The following GPC6 variants were observed in gnomAD, a reference collection of about 807,000 sequenced individuals.
The protein encoded by GPC6 is glypican-6.
Under a neutral mutation model 55.2 loss-of-function variants are expected in GPC6, and 14 were observed. The ratio of observed to expected loss-of-function variants is 0.25; its 90% CI spans 0.17 to 0.40. The LOEUF (loss-of-function observed/expected upper bound fraction) is 0.40, where lower values mean the gene tolerates loss of function less well. GPC6 is among the 10% of genes least tolerant of loss of function. GPC6 has a pLI of 1.00. For synonymous variants in GPC6, 278 were observed against 259.6 expected (o/e 1.07, Z -0.68); for missense variants, 641 against 708.5 (o/e 0.90, Z 1.08).
At chr13:94,031,617 A>G (rs572692686) in intron 4 of GPC6, among the ~76,000 whole-genome samples, 1 of 152,344 alleles carries the variant, frequency 6.6e-6, no homozygotes, top group South Asian at 2.1e-4. Flanking sequence ...GTATTGCCGT[A>G]TTTTCATACA....
At chr13:93,845,724 A>G (rs1013833283) in intron 3 of GPC6, among the ~76,000 whole-genome samples, 5 of 149,158 alleles carry the variant, frequency 3.4e-5, no homozygotes, top group South Asian at 2.2e-4. Flanking sequence ...TCAGTAAACT[A>G]TCGCAAGAAC....
chr13:94,259,716 A>G (rs1321797314), intron 4 of GPC6, among the ~76,000 whole-genome samples: 2 of 152,110 alleles, frequency 1.3e-5, no homozygotes, highest in Non-Finnish European at 2.9e-5. Flanking sequence ...ATCTCTATGA[A>G]TCTGCCTATT....
At chr13:94,092,315 C>A (rs1885517347) in intron 4 of GPC6, among the ~76,000 whole-genome samples, 1 of 152,014 alleles carries the variant, frequency 6.6e-6, no homozygotes. Flanking sequence ...CTTGCCCCTG[C>A]CAACCACCAT....
At chr13:93,564,932 G>A (rs577748042) in intron 2 of GPC6, among the ~76,000 whole-genome samples, 4 of 152,052 alleles carry the variant, frequency 2.6e-5, no homozygotes, top group East Asian at 1.9e-4. Flanking sequence ...TTTCTGTGCC[G>A]TTTCAAAATA....
chr13:93,939,358 G>A (rs746759237), intron 3 of GPC6, among the ~76,000 whole-genome samples: 4 of 150,934 alleles, frequency 2.7e-5, no homozygotes, highest in African/African-American at 4.8e-5. Flanking sequence ...GGCGGAGCTT[G>A]CAGTGAGCCG....
intron 1 of GPC6, among the ~76,000 whole-genome samples, chr13:93,257,795 T>G (rs1877005480): frequency 6.6e-6 from 1 of 152,178 alleles, no homozygotes; most frequent in South Asian, 2.1e-4. Flanking sequence ...TCTAGGTGAA[T>G]TATATGATTT....
chr13:93,289,947 G>A (rs779578971), intron 1 of GPC6, among the ~76,000 whole-genome samples: 76 of 152,272 alleles, frequency 5.0e-4, no homozygotes, highest in Non-Finnish European at 9.4e-4. Flanking sequence ...TGGACTCACA[G>A]AGTAAAGAGA....
intron 2 of GPC6, among the ~76,000 whole-genome samples, chr13:93,575,795 AAATC>A (rs1876635517): frequency 6.6e-6 from 1 of 152,178 alleles, no homozygotes; most frequent in African/African-American, 2.4e-5. Context: ...TAAAATTTAA[AAATC>A]AATCAGCTTA....
At chr13:94,364,980 T>C (rs764861334) in intron 6 of GPC6, among the ~76,000 whole-genome samples, 1 of 152,228 alleles carries the variant, frequency 6.6e-6, no homozygotes, top group Non-Finnish European at 1.5e-5. Flanking sequence ...ACTCTGCCGA[T>C]TGTTCATTTA....
At chr13:94,166,473 G>A (rs1026286088) in intron 4 of GPC6, among the ~76,000 whole-genome samples, 2 of 151,922 alleles carry the variant, frequency 1.3e-5, no homozygotes, top group Non-Finnish European at 2.9e-5. Context: ...ATAGGCCTGC[G>A]CCTCATCCTT....
chr13:93,925,596 G>A (rs1490471335), intron 3 of GPC6, among the ~76,000 whole-genome samples: 2 of 152,132 alleles, frequency 1.3e-5, no homozygotes, highest in Non-Finnish European at 2.9e-5. Flanking sequence ...AGAGATGAAA[G>A]CCTAATCTAG....
Position 93,314,745 on chromosome 13 carries a change from GTGTGTGTGT to G in GPC6, c.160+87130_160+87138del, listed in dbSNP as rs1381789927. On this transcript the variant is annotated intron_variant, in intron 1 of 8. Coordinates refer to ENST00000377047, the MANE Select transcript of GPC6 (RefSeq NM_005708.5). ...TGTGTGTGTGTGTGTGTGTGTGTGT[GTGTGTGTGT>G]GTGCACGCATGTGCTGAGAAATGAG... Among the ~76,000 whole-genome samples, 264 of 151,390 alleles carry G rather than the reference GTGTGTGTGT, an allele frequency of 1.7e-3. 8 individuals carry two copies. In the East Asian group the frequency reaches 0.048, roughly 28 times the overall value.
At chr13:93,840,678 A>T (rs754317758) in intron 3 of GPC6, among the ~76,000 whole-genome samples, 5 of 151,862 alleles carry the variant, frequency 3.3e-5, no homozygotes, top group Admixed American at 6.6e-5. Flanking sequence ...CTTTCAGAAA[A>T]CTCATTATGA....
intron 4 of GPC6, among the ~76,000 whole-genome samples, chr13:94,063,056 G>A (rs1884388774): frequency 6.6e-6 from 1 of 152,176 alleles, no homozygotes; most frequent in East Asian, 1.9e-4. Context: ...TGGCCCACTG[G>A]TGGCCGACCT....
intron 1 of GPC6, among the ~76,000 whole-genome samples, chr13:93,468,075 G>A (rs1007952233): frequency 2.0e-5 from 3 of 151,992 alleles, no homozygotes; most frequent in South Asian, 2.1e-4. Context: ...TGATCTTAAT[G>A]GCCATTGTCC....
At chr13:93,228,578 C>G (rs1023394057) in intron 1 of GPC6, among the ~76,000 whole-genome samples, 4 of 152,144 alleles carry the variant, frequency 2.6e-5, no homozygotes, top group African/African-American at 7.2e-5. Flanking sequence ...GCTCTTAGCT[C>G]CAACCGAATC....
At chr13:94,234,866 A>G (rs1890832107) in intron 4 of GPC6, among the ~76,000 whole-genome samples, 1 of 152,172 alleles carries the variant, frequency 6.6e-6, no homozygotes, top group Non-Finnish European at 1.5e-5. Context: ...AATCACAAAA[A>G]GACAAATACT....
At chr13:93,331,127 A>G (rs1260298356) in intron 1 of GPC6, among the ~76,000 whole-genome samples, 3 of 152,014 alleles carry the variant, frequency 2.0e-5, no homozygotes, top group African/African-American at 7.3e-5. Context: ...TTTATTCTCT[A>G]GGATGTTGTG....
At chr13:93,589,797 C>T (rs2139504913) in intron 2 of GPC6, among the ~76,000 whole-genome samples, 1 of 152,276 alleles carries the variant, frequency 6.6e-6, no homozygotes, top group South Asian at 2.1e-4. Context: ...CCATGGAGAG[C>T]TGTATTACAC....
Sources: allele counts gnomAD v4.1 joint callset (sites outside exome capture counted in the v4.1 genomes callset), GRCh38; gene constraint gnomAD v4.1.1; transcripts MANE v1.5; gene names NCBI Gene and HGNC (gene_info 2026-07-23, HGNC 2026-07-21).